The following EPB41L3 variants were observed in gnomAD, a reference collection of about 807,000 sequenced individuals.
EPB41L3 encodes band 4.1-like protein 3.
EPB41L3 carries 57 observed loss-of-function variants against 127.1 expected under a neutral mutation model. The observed-to-expected ratio is 0.45, with a 90% CI of 0.36 to 0.56. The LOEUF (loss-of-function observed/expected upper bound fraction) is 0.56. EPB41L3 is among the 20% of genes least tolerant of loss of function. The pLI is 0.00. For synonymous variants in EPB41L3, 572 were observed against 549.5 expected, an observed-to-expected ratio of 1.04 and a Z score of -0.57; for missense variants, 1,273 against 1,372.2, an observed-to-expected ratio of 0.93 and a Z score of 1.14.
chr18:5,579,885 G>A (rs73937170), intron 3 of EPB41L3, among the ~76,000 whole-genome samples: 6 of 152,284 alleles, frequency 3.9e-5, no homozygotes, highest in Non-Finnish European at 5.9e-5. Context: ...TAGAGATGAC[G>A]GTGAAGATGA....
chr18:5,466,067 T>C (rs887964758), intron 3 of EPB41L3, among the ~76,000 whole-genome samples: 3 of 152,244 alleles, frequency 2.0e-5, no homozygotes, highest in South Asian at 2.1e-4. Context: ...ATTTTTTCCA[T>C]TTCCCACTGA....
intron 3 of EPB41L3, among the ~76,000 whole-genome samples, chr18:5,598,269 A>G (rs1002392492): frequency 5.9e-5 from 9 of 152,218 alleles, no homozygotes; most frequent in Non-Finnish European, 1.5e-5. Context: ...AAAACAGTGT[A>G]TCGTAACAGA....
chr18:5,419,144 C>T (rs2077169244), intron 12 of EPB41L3, among the ~76,000 whole-genome samples: 1 of 152,112 alleles, frequency 6.6e-6, no homozygotes, highest in Admixed American at 6.5e-5. Flanking sequence ...GAATTCAACA[C>T]TGAAAGAAGA....
chr18:5,414,353 A>G (rs1284251244), intron 13 of EPB41L3, among the ~76,000 whole-genome samples: 3 of 152,196 alleles, frequency 2.0e-5, no homozygotes, highest in Non-Finnish European at 2.9e-5. Flanking sequence ...AACCTTGAAA[A>G]TGTCTCTTAT....
intron 2 of EPB41L3, among the ~76,000 whole-genome samples, chr18:5,482,553 A>T (rs951121749): frequency 6.6e-6 from 1 of 152,208 alleles, no homozygotes; most frequent in Non-Finnish European, 1.5e-5. Context: ...AATACCACAA[A>T]GCAATAAACT....
intron 16 of EPB41L3, among the ~76,000 whole-genome samples, chr18:5,403,590 C>CA (rs199992647): frequency 0.15 from 14,950 of 102,512 alleles, 1,529 homozygotes; most frequent in African/African-American, 0.33. Context: ...TCACTGAGAC[C>CA]AAAAAAAAAA....
chr18:5,613,663 C>T, intron 2 of EPB41L3, among the ~76,000 whole-genome samples: 1 of 152,264 alleles, frequency 6.6e-6, no homozygotes, highest in East Asian at 1.9e-4. Flanking sequence ...CTCCCATAAG[C>T]TTAGAGTAGA....
intron 20 of EPB41L3, 40 bp downstream of exon 20, chr18:5,395,569 G>A (rs753356631): frequency 3.8e-6 from 6 of 1,575,830 alleles, no homozygotes; most frequent in African/African-American, 1.3e-5. Flanking sequence ...CCTCCAGCTC[G>A]CTCTCAAGGA....
At chr18:5,472,634 A>T (rs555101015) in intron 3 of EPB41L3, among the ~76,000 whole-genome samples, 1 of 152,350 alleles carries the variant, frequency 6.6e-6, no homozygotes, top group South Asian at 2.1e-4. Flanking sequence ...CAAGAAAAGC[A>T]AAAGGTACTC....
In EPB41L3 at chr18:5,438,002, T is replaced by C. The variant is rs771927364; in HGVS notation, c.605+33A>G. ...TAAGAGAAGCACAACTCTCCCAATATGCTTGTCTTTTGCATAGCCAACTTT... is the reference window on the plus strand; with the variant it reads ...TAAGAGAAGCACAACTCTCCCAATACGCTTGTCTTTTGCATAGCCAACTTT... On this transcript the variant is annotated intron_variant, in intron 6 of 22. Coordinates refer to ENST00000341928, the MANE Select transcript of EPB41L3 (RefSeq NM_012307.5). The C allele has an allele frequency of 6.3e-6, 10 of 1,598,454 alleles. No homozygotes were observed. The East Asian group carries it at 1.1e-4, about 18-fold the overall frequency.
At chr18:5,629,032 G>T (rs2094956927), upstream of EPB41L3, 1 of 152,282 alleles carries the variant, frequency 6.6e-6, no homozygotes, top group African/African-American at 2.4e-5. Flanking sequence ...CGCCTTCTCG[G>T]GTGACGTGAC....
intron 6 of EPB41L3, among the ~76,000 whole-genome samples, chr18:5,436,251 G>A (rs1396531905): frequency 6.6e-6 from 1 of 152,070 alleles, no homozygotes; most frequent in East Asian, 1.9e-4. Context: ...AGAGGACTAT[G>A]AGAAAGTTTA....
At chr18:5,499,829 G>GTGTGTA (rs563662904) in intron 1 of EPB41L3, among the ~76,000 whole-genome samples, 2 of 124,634 alleles carry the variant, frequency 1.6e-5, no homozygotes, top group South Asian at 2.5e-4. Context: ...CTATGTGTGT[G>GTGTGTA]TATATATATA....
At chr18:5,519,229 A>G (rs1719949) in intron 1 of EPB41L3, among the ~76,000 whole-genome samples, 44,468 of 152,110 alleles carry the variant, frequency 0.29, 7,905 homozygotes, top group African/African-American at 0.5. Context: ...TACTGCATGT[A>G]TCCCTGTTCA....
At chr18:5,466,550 G>A (rs2085027169) in intron 3 of EPB41L3, among the ~76,000 whole-genome samples, 1 of 152,082 alleles carries the variant, frequency 6.6e-6, no homozygotes. Flanking sequence ...CACGCAACAC[G>A]CCACACACAT....
chr18:5,617,388 C>G (rs898089900), intron 1 of EPB41L3, among the ~76,000 whole-genome samples: 16 of 151,392 alleles, frequency 1.1e-4, no homozygotes, highest in African/African-American at 2.4e-4. Context: ...GTGCCATCTC[C>G]GCTCACTGCA....
chr18:5,457,003 T>A lies in EPB41L3; in HGVS notation c.382-11759A>T, dbSNP rs906469602. On this transcript the variant is annotated intron_variant, in intron 3 of 22. Coordinates refer to ENST00000341928, the MANE Select transcript of EPB41L3 (RefSeq NM_012307.5). ...GCAACCTGCAGGGAATGGTAGTCAC[T>A]GCTCCTTCCCGAATCTCAGATGACT... Among the ~76,000 whole-genome samples, 7 of 152,272 alleles carry A rather than the reference T, an allele frequency of 4.6e-5. 1 individual carries two copies. Among genetic ancestry groups the A allele is most frequent in the South Asian group, 4.1e-4 (2 of 4,834 alleles).
rs559351202 is a variant in EPB41L3, at chr18:5,536,741, G to A, written c.-12+7172C>T. ...GCAGGAGACTCGCTTGAACCTGGGA[G>A]GCTCACTTGAACCCGGGAGGCAGAG... On this transcript the variant is annotated intron_variant, in intron 1 of 22. Coordinates refer to ENST00000341928, the MANE Select transcript of EPB41L3 (RefSeq NM_012307.5). Among the ~76,000 whole-genome samples the A allele has an allele frequency of 1.6e-3, 243 of 151,982 alleles. 1 individual carries two copies. Among genetic ancestry groups the A allele is most frequent in the Non-Finnish European group, 2.5e-3 (173 of 67,912 alleles).
At chr18:5,410,654 A>G in intron 13 of EPB41L3, 35 bp from the exon 14 acceptor site, 1 of 1,595,540 alleles carries the variant, frequency 6.3e-7, no homozygotes, top group South Asian at 1.1e-5. Context: ...TTCCAGGAGG[A>G]AGGCAGGGAC....
Sources: gnomAD v4.1 joint callset for allele counts (sites outside exome capture counted in the v4.1 genomes callset) on GRCh38, gnomAD v4.1.1 for gene constraint, MANE v1.5 for transcripts, NCBI Gene and HGNC (gene_info 2026-07-23, HGNC 2026-07-21) for gene names.